Variants in MTSS1 observed in about 807,000 individuals in gnomAD.
MTSS1 encodes MTSS I-BAR domain containing 1.
In MTSS1, 18 loss-of-function variants were observed where a neutral mutation model predicts 79.0. The observed-to-expected ratio is 0.23, with a 90% CI of 0.16 to 0.34. MTSS1 has a LOEUF of 0.34. Ranked by LOEUF, MTSS1 falls within the 10% of genes least tolerant of loss-of-function variation. The probability of loss-of-function intolerance (pLI) is 1.00; values close to 1 mark genes in which losing one functional copy is unlikely to be tolerated. For missense variants in MTSS1, 815 were observed against 986.2 expected (o/e 0.83, Z 2.33); for synonymous variants, 341 against 368.6 (o/e 0.93, Z 0.86).
At chr8:124,666,734 T>C (rs1488949890) in intron 3 of MTSS1, among the ~76,000 whole-genome samples, 1 of 151,638 alleles carries the variant, frequency 6.6e-6, no homozygotes, top group East Asian at 1.9e-4. Flanking sequence ...TGAGGAGGGG[T>C]CATCAGCGCA....
intron 3 of MTSS1, among the ~76,000 whole-genome samples, chr8:124,624,042 A>G (rs1242566470): frequency 6.6e-6 from 1 of 152,212 alleles, no homozygotes; most frequent in Middle Eastern, 3.2e-3. Context: ...GCTATCAACC[A>G]TTGCTTCGTG....
In MTSS1 at chr8:124,597,226, C is replaced by G. The variant is rs934958161; in HGVS notation, c.209-5991G>C. ...ACCCTCTGTGGTAGGCATTATCAGC[C>G]CCATGTTACAAATGAAAACACCTGA... On this transcript the variant is annotated intron_variant, in intron 3 of 13. Transcript: ENST00000518547. This position sits in a 1 kb window ranked among gnomAD's most constrained non-coding sequence, Gnocchi z 4.6. Among the ~76,000 whole-genome samples, 2 of 152,048 alleles carry G rather than the reference C, an allele frequency of 1.3e-5. No homozygotes were observed. Among genetic ancestry groups the G allele is most frequent in the African/African-American group, 4.8e-5 (2 of 41,384 alleles).
intron 3 of MTSS1, among the ~76,000 whole-genome samples, chr8:124,598,153 G>T (rs1399808662): frequency 6.6e-6 from 1 of 151,940 alleles, no homozygotes; most frequent in Non-Finnish European, 1.5e-5. Context: ...TAATTAACTG[G>T]GTGTGGCGGT....
At chr8:124,665,685 T>C (rs905828602) in intron 3 of MTSS1, among the ~76,000 whole-genome samples, 7 of 152,186 alleles carry the variant, frequency 4.6e-5, no homozygotes, top group African/African-American at 9.6e-5. Context: ...CTGACCAACA[T>C]GGAGAAACCC....
chr8:124,693,125 G>A (rs1222151137), intron 3 of MTSS1, among the ~76,000 whole-genome samples: 2 of 152,112 alleles, frequency 1.3e-5, no homozygotes, highest in Non-Finnish European at 2.9e-5. Context: ...GGGTGAAGAA[G>A]GGGAGGGCTG....
chr8:124,660,010 G>C, intron 3 of MTSS1, among the ~76,000 whole-genome samples: 1 of 152,014 alleles, frequency 6.6e-6, no homozygotes, highest in South Asian at 2.1e-4. Flanking sequence ...AAGAGCCATA[G>C]AGTATTAGAA....
At chr8:124,717,406 G>T (rs570567046) in intron 1 of MTSS1, among the ~76,000 whole-genome samples, 2 of 152,322 alleles carry the variant, frequency 1.3e-5, no homozygotes, top group East Asian at 3.9e-4. Context: ...TGAGGCAGGA[G>T]AATCTCTTGA....
chr8:124,574,974 T>G (rs1828693577), intron 6 of MTSS1, among the ~76,000 whole-genome samples: 1 of 151,834 alleles, frequency 6.6e-6, no homozygotes, highest in Admixed American at 6.6e-5. Flanking sequence ...ATCGGTAGGT[T>G]TTTTTTTTCC....
chr8:124,628,775 T>C (rs1320047135), intron 3 of MTSS1, among the ~76,000 whole-genome samples: 1 of 152,212 alleles, frequency 6.6e-6, no homozygotes, highest in East Asian at 1.9e-4. Flanking sequence ...AACAACCCTC[T>C]GAGGCAATTC....
At chr8:124,715,710 T>C (rs974527322) in intron 1 of MTSS1, among the ~76,000 whole-genome samples, 2 of 152,098 alleles carry the variant, frequency 1.3e-5, no homozygotes, top group African/African-American at 4.8e-5. Flanking sequence ...GTCTTTCCAT[T>C]GAATGTCATT....
At chr8:124,638,533 C>T (rs780642341) in intron 3 of MTSS1, among the ~76,000 whole-genome samples, 6 of 152,192 alleles carry the variant, frequency 3.9e-5, no homozygotes, top group Admixed American at 1.3e-4. Context: ...GGCGGAGATC[C>T]GTGCCCTTCG....
chr8:124,602,194 T>TATATATAC (rs1554665925), intron 3 of MTSS1, among the ~76,000 whole-genome samples: 1 of 141,838 alleles, frequency 7.1e-6, no homozygotes, highest in Admixed American at 7.0e-5. Flanking sequence ...TATACATATA[T>TATATATAC]ATATATATAT....
chr8:124,702,205 G>T (rs1829801341), intron 2 of MTSS1, among the ~76,000 whole-genome samples: 1 of 152,180 alleles, frequency 6.6e-6, no homozygotes, highest in Admixed American at 6.5e-5. Flanking sequence ...AAAAAAGTAG[G>T]GGAAATGTAC....
intron 3 of MTSS1, among the ~76,000 whole-genome samples, chr8:124,632,678 T>G (rs866786262): frequency 1.3e-5 from 2 of 152,124 alleles, no homozygotes; most frequent in South Asian, 2.1e-4. Context: ...TTTGTTTGTT[T>G]GTTTTTTGAG....
intron 3 of MTSS1, among the ~76,000 whole-genome samples, chr8:124,606,587 T>C (rs1392749880): frequency 2.0e-5 from 3 of 152,178 alleles, no homozygotes; most frequent in African/African-American, 7.2e-5. Context: ...AACCACTCCA[T>C]TCTTGGGGGC....
chr8:124,586,247 G>C (rs1460596467), intron 5 of MTSS1, among the ~76,000 whole-genome samples: 1 of 152,120 alleles, frequency 6.6e-6, no homozygotes, highest in Admixed American at 6.5e-5. Flanking sequence ...CCTTCTACTG[G>C]CCCTAAGCCT....
chr8:124,556,513 AACCT>A, intron 11 of MTSS1, 108 bp from the exon 12 acceptor site: 1 of 1,270,038 alleles, frequency 7.9e-7, no homozygotes, highest in Non-Finnish European at 1.1e-6. Flanking sequence ...CCTTAAGGGG[AACCT>A]CCGGCTGGGA....
intron 2 of MTSS1, among the ~76,000 whole-genome samples, chr8:124,701,596 G>A (rs1829707438): frequency 6.6e-6 from 1 of 152,164 alleles, no homozygotes; most frequent in African/African-American, 2.4e-5. Flanking sequence ...TGACACAATG[G>A]CTGGATTTAT....
At chr8:124,568,940 A>G in intron 6 of MTSS1, 1 of 1,069,134 alleles carries the variant, frequency 9.4e-7, no homozygotes, top group South Asian at 2.7e-5. Context: ...TGTTTCCAAA[A>G]ACGGGCACGG....
Sources: allele counts gnomAD v4.1 joint callset (sites outside exome capture counted in the v4.1 genomes callset), GRCh38; gene constraint gnomAD v4.1.1; non-coding constraint Gnocchi (gnomAD v3.1); transcripts MANE v1.5; gene names NCBI Gene and HGNC (gene_info 2026-07-23, HGNC 2026-07-21).